The following OR8D1 variants were observed in gnomAD, a reference collection of about 807,000 sequenced individuals.
OR8D1 encodes the protein olfactory receptor family 8 subfamily D member 1, also known as olfactory receptor 8D1.
For synonymous variants in OR8D1, 143 were observed against 147.0 expected, an observed-to-expected ratio of 0.97 and a Z score of 0.20; for missense variants, 384 against 366.8, an observed-to-expected ratio of 1.05 and a Z score of -0.38.
chr11:124,311,203 C>T (rs778093530), intron 2 of OR8D1, among the ~76,000 whole-genome samples: 30 of 152,078 alleles, frequency 2.0e-4, no homozygotes, highest in African/African-American at 6.5e-4. Context: ...GAGAGGATGA[C>T]GCCTCAGCCT....
At position 124,310,788 on chromosome 11, in the gene OR8D1, A is replaced by C. The variant is rs755451557; in HGVS notation, c.-16-6T>G. 6.3e-7 allele frequency: 1 copy of C among 1,577,200 alleles called. No homozygotes were observed. The highest frequency in any genetic ancestry group is 8.6e-7 in the Non-Finnish European group (1 of 1,156,192). On this transcript the variant is annotated splice_polypyrimidine_tract_variant and splice_region_variant and intron_variant, in intron 2 of 2. Coordinates refer to ENST00000641015, the MANE Select transcript of OR8D1 (RefSeq NM_001002917.2). The stretch of plus-strand genomic sequence containing the variant: ...TCATTCTTCTTTAGGCATTTCTGTG[A>C]AAATAGAAAGTATGAATTACCTTAA...
rs1320475854 is a variant in OR8D1 at position 124,307,229 on chromosome 11, GA to G, written c.*2610del. 1 of 74,002 alleles carries G rather than the reference GA, an allele frequency of 1.4e-5. No individual in the cohort carries two copies. Among genetic ancestry groups the G allele is most frequent in the Non-Finnish European group, 3.9e-5 (1 of 25,532 alleles). 4.6% of individuals were successfully genotyped at this position (74,002 alleles called of 1,614,324 possible). A position where few individuals can be genotyped will look rare whatever the true frequency, so the allele number is the denominator to read the frequency against. On this transcript the variant is annotated 3_prime_UTR_variant, in exon 3 of 3. Coordinates refer to ENST00000641015, the MANE Select transcript of OR8D1 (RefSeq NM_001002917.2). ...TTACAAGTTTGGGACTTTCCATGAG[GA>G]GAGAGGATTTTGACCTCAGGAGCAT... is the stretch of plus-strand genomic sequence containing the variant.
At chr11:124,312,204 C>T (rs981817864) in intron 1 of OR8D1, among the ~76,000 whole-genome samples, 12 of 152,140 alleles carry the variant, frequency 7.9e-5, no homozygotes, top group African/African-American at 2.7e-4. Context: ...GATGAAAATA[C>T]ACTACCTTTG....
rs1555057785 is a variant in OR8D1, at chr11:124,310,089, A to C, written c.678T>G (p.Leu226=). Residue 226 remains leucine, a synonymous_variant, in exon 3 of 3, where the codon CTT becomes CTG. Coordinates refer to ENST00000641015, the MANE Select transcript of OR8D1 (RefSeq NM_001002917.2). ...VSYAFILYSI[L]HIRSSEGRSK... ...ACCGGCCCTCTGAGGAGCGGATGTG[A>C]AGGATGCTGTAGAGGATGAAGGCAT... 1 of 1,613,646 alleles carries C rather than the reference A, an allele frequency of 6.2e-7. No individual in the cohort carries two copies. Among genetic ancestry groups the C allele is most frequent in the Non-Finnish European group, 8.5e-7 (1 of 1,179,808 alleles).
Position 124,310,228 on chromosome 11 carries a change from T to C in OR8D1, c.539A>G (p.Asp180Gly). The change falls in exon 3 of 3, where the codon GAT (aspartate) becomes GGT (glycine). Residue 180 changes from aspartate to glycine, a missense_variant. Transcript: ENST00000641015. ...KSHIINHYFC[D>G]VLPLLNLSCS... ...GGAGAGATTGAGGAGGGGAAGAACA[T>C]CACAGAAGTAATGGTTGATAATGTG... is the stretch of plus-strand genomic sequence containing the variant. 6.2e-7 allele frequency: 1 copy of C among 1,613,748 alleles called. No individual in the cohort carries two copies. Among genetic ancestry groups the C allele is most frequent in the South Asian group, 1.1e-5 (1 of 91,064 alleles).
At position 124,310,497 on chromosome 11, in the gene OR8D1, A is replaced by T; in HGVS notation, c.270T>A (p.Asn90Lys). 6.2e-7 allele frequency: 1 copy of T among 1,613,806 alleles called. No homozygotes were observed. The highest frequency in any genetic ancestry group is 8.5e-7 in the Non-Finnish European group (1 of 1,179,912). Reference protein sequence around the residue: ...KMLVNFLGKKNTILYSECMVQ... With the variant: ...KMLVNFLGKKKTILYSECMVQ... ...CCATGCACTCAGAGTAAAGGATTGTATTCTTCTTTCCTAGGAAGTTCACCA... is the reference window on the plus strand; with the variant it reads ...CCATGCACTCAGAGTAAAGGATTGTTTTCTTCTTTCCTAGGAAGTTCACCA... The change falls in exon 3 of 3, where the codon AAT becomes AAA. Residue 90 changes from asparagine to lysine, a missense_variant. Asn to Lys is a moderately conservative substitution (Grantham distance 94, BLOSUM62 0). Transcript: ENST00000641015.
At position 124,302,836 on chromosome 11, in the gene OR8D1, ACTTAT is replaced by A. The variant is rs1035477433; in HGVS notation, c.*6999_*7003del. 6.6e-6 allele frequency: 1 copy of A among 152,092 alleles called. No individual in the cohort carries two copies. The highest frequency in any genetic ancestry group is 1.5e-5 in the Non-Finnish European group (1 of 67,994). The allele number at this position is 152,092 out of a possible 1,614,324, so 9.4% of individuals were successfully genotyped here. A position where few individuals can be genotyped will look rare whatever the true frequency, so the allele number is the denominator to read the frequency against. On this transcript the variant is annotated 3_prime_UTR_variant, in exon 3 of 3. Coordinates refer to ENST00000641015, the MANE Select transcript of OR8D1 (RefSeq NM_001002917.2). ...ACAGTTTTATTTATTCACATATTTA[ACTTAT>A]CTTACTCTCATAACGGTTTTATAAG...
rs1251575866 is a variant in OR8D1, at chr11:124,306,826, C to T, written c.*3014G>A. 1.3e-5 allele frequency: 2 copies of T among 151,992 alleles called. No individual in the cohort carries two copies. Among genetic ancestry groups the T allele is most frequent in the South Asian group, 2.1e-4 (1 of 4,824 alleles). The allele number at this position is 151,992 out of a possible 1,614,324, so 9.4% of individuals were successfully genotyped here. On this transcript the variant is annotated 3_prime_UTR_variant, in exon 3 of 3. Transcript: ENST00000641015. ...TGATGTTCCCATCCCTGAGGAGGAA[C>T]ACCTATTACTCTAATACTCCCGCCT...
Position 124,308,224 on chromosome 11 carries a change from A to G in OR8D1, c.*1616T>C, listed in dbSNP as rs1465579401. 6.6e-6 allele frequency: 1 copy of G among 152,118 alleles called. No individual in the cohort carries two copies. Among genetic ancestry groups the G allele is most frequent in the Non-Finnish European group, 1.5e-5 (1 of 68,012 alleles). The allele number at this position is 152,118 out of a possible 1,614,324, so 9.4% of individuals were successfully genotyped here. On this transcript the variant is annotated 3_prime_UTR_variant, in exon 3 of 3. Transcript: ENST00000641015. Reference sequence around the variant, plus strand: ...ATTAAACTGGAATAAGAGAGAGAAGAGGACAGGTTAGAAAACTATGTGGCA... The same window carrying G: ...ATTAAACTGGAATAAGAGAGAGAAGGGGACAGGTTAGAAAACTATGTGGCA...
At position 124,309,836 on chromosome 11, in the gene OR8D1, G is replaced by T; in HGVS notation, c.*4C>A. The T allele has an allele frequency of 7.1e-7, 1 of 1,418,206 alleles. No individual in the cohort carries two copies. The highest frequency in any genetic ancestry group is 2.5e-5 in the Admixed American group (1 of 40,134). 87.9% of individuals were successfully genotyped at this position (1,418,206 alleles called of 1,614,324 possible). ...TCCCATCTATAAATCCCCCAAATCA[G>T]GACTCATTTTCCTACTAAGACCTTC... On this transcript the variant is annotated 3_prime_UTR_variant, in exon 3 of 3. Coordinates refer to ENST00000641015, the MANE Select transcript of OR8D1 (RefSeq NM_001002917.2).
rs192455419 is a variant in OR8D1 at position 124,313,842 on chromosome 11, C to T, written c.-243G>A. 5.9e-5 allele frequency: 9 copies of T among 152,082 alleles called. No homozygotes were observed. The highest frequency in any genetic ancestry group is 2.2e-4 in the African/African-American group (9 of 41,400). 9.4% of individuals were successfully genotyped at this position (152,082 alleles called of 1,614,324 possible). On this transcript the variant is annotated 5_prime_UTR_variant, in exon 1 of 3. Coordinates refer to ENST00000641015, the MANE Select transcript of OR8D1 (RefSeq NM_001002917.2). Reference sequence around the variant, plus strand: ...CTACCTTATACACACATTTATATGCCAAGGGCTGAATTATTTGGTTGGCTA... The same window carrying T: ...CTACCTTATACACACATTTATATGCTAAGGGCTGAATTATTTGGTTGGCTA...
In OR8D1 at chr11:124,309,918, G is replaced by A. The variant is rs141412375; in HGVS notation, c.849C>T (p.Pro283=). Residue 283 remains proline (P), a synonymous_variant, in exon 3 of 3, where the codon CCC becomes CCT. Transcript: ENST00000641015. ...VSSVFYTTVI[P]MLNPLIYSLR... Reference sequence around the variant, plus strand: ...GACTGTATATTAAAGGGTTCAGCATGGGGATCACCGTGGTGTAGAACACAG... The same window carrying A: ...GACTGTATATTAAAGGGTTCAGCATAGGGATCACCGTGGTGTAGAACACAG... 48 of 1,527,148 alleles carry A rather than the reference G, an allele frequency of 3.1e-5. No individual in the cohort carries two copies. Among genetic ancestry groups the A allele is most frequent in the Non-Finnish European group, 4.1e-5 (47 of 1,140,608 alleles). The allele number at this position is 1,527,148 out of a possible 1,614,324, so 94.6% of individuals were successfully genotyped here.
Position 124,312,392 on chromosome 11 carries a change from G to T in OR8D1, c.-121-716C>A, listed in dbSNP as rs143842545. On this transcript the variant is annotated intron_variant, in intron 1 of 2. Coordinates refer to ENST00000641015, the MANE Select transcript of OR8D1 (RefSeq NM_001002917.2). ...CTTTTTTGAAGGAGTTGGGGGCACT[G>T]AAGTGTTTTCATCTCCAAGGGACAT... is the stretch of plus-strand genomic sequence containing the variant. Among the ~76,000 whole-genome samples the T allele has an allele frequency of 4.7e-4, 71 of 152,230 alleles. No individual in the cohort carries two copies. The East Asian group carries it at 0.013, about 28-fold the overall frequency.
Position 124,310,514 on chromosome 11 carries a change from A to G in OR8D1, c.253T>C (p.Phe85Leu), listed in dbSNP as rs749419767. ...SVITPKMLVN[F>L]LGKKNTILYS... ...AGGATTGTATTCTTCTTTCCTAGGA[A>G]GTTCACCAGCATTTTGGGAGTAATG... Residue 85 changes from phenylalanine to leucine, a missense_variant, in exon 3 of 3, where the codon TTC (phenylalanine) becomes CTC (leucine). Coordinates refer to ENST00000641015, the MANE Select transcript of OR8D1 (RefSeq NM_001002917.2). 4.3e-6 allele frequency: 7 copies of G among 1,613,710 alleles called. No homozygotes were observed. Among genetic ancestry groups the G allele is most frequent in the Non-Finnish European group, 5.1e-6 (6 of 1,179,926 alleles).
chr11:124,310,095 G>A lies in OR8D1; in HGVS notation c.672C>T (p.Ser224=), dbSNP rs1862405865. ...CCTCTGAGGAGCGGATGTGAAGGAT[G>A]CTGTAGAGGATGAAGGCATAGGAGA... ...VAVSYAFILY[S]ILHIRSSEGR... is the part of the protein sequence containing the mutation. The change falls in exon 3 of 3, where the codon AGC becomes AGT. Residue 224 remains serine (S), a synonymous_variant. Transcript: ENST00000641015. 9 of 1,613,724 alleles carry A rather than the reference G, an allele frequency of 5.6e-6. No homozygotes were observed. Among genetic ancestry groups the A allele is most frequent in the Non-Finnish European group, 7.6e-6 (9 of 1,179,834 alleles).
Position 124,303,207 on chromosome 11 carries a change from G to A in OR8D1, c.*6633C>T, listed in dbSNP as rs947008836. The A allele has an allele frequency of 1.2e-4, 18 of 152,182 alleles. No individual in the cohort carries two copies. In the East Asian group the frequency reaches 3.3e-3, roughly 28 times the overall value. 9.4% of individuals were successfully genotyped at this position (152,182 alleles called of 1,614,324 possible). ...CACATGGCGGGAGGTGTGAGACAGA[G>A]CAGGAAAAACTACCATTTATAAAAC... On this transcript the variant is annotated 3_prime_UTR_variant, in exon 3 of 3. Transcript: ENST00000641015.
Position 124,307,605 on chromosome 11 carries a change from G to A in OR8D1, c.*2235C>T, listed in dbSNP as rs762136822. ...TAGTTTGAGCAACCTTAGCAACTGCGAAAGCCACTTAAGAATCAGAAAATA... is the reference window on the plus strand; with the variant it reads ...TAGTTTGAGCAACCTTAGCAACTGCAAAAGCCACTTAAGAATCAGAAAATA... On this transcript the variant is annotated 3_prime_UTR_variant, in exon 3 of 3. Transcript: ENST00000641015. 11 of 152,102 alleles carry A rather than the reference G, an allele frequency of 7.2e-5. No individual in the cohort carries two copies. Among genetic ancestry groups the A allele is most frequent in the Non-Finnish European group, 1.2e-4 (8 of 68,016 alleles). The allele number at this position is 152,102 out of a possible 1,614,324, so 9.4% of individuals were successfully genotyped here.
rs2137789503 is a variant in OR8D1, at chr11:124,307,528, T to C, written c.*2312A>G. On this transcript the variant is annotated 3_prime_UTR_variant, in exon 3 of 3. Transcript: ENST00000641015. ...TGTCTTCTGAAAAATGTGAGCAAAG[T>C]GAGGCTCCACAAAGCCCTGGGTCCT... 1 of 152,200 alleles carries C rather than the reference T, an allele frequency of 6.6e-6. No homozygotes were observed. Among genetic ancestry groups the C allele is most frequent in the East Asian group, 1.9e-4 (1 of 5,156 alleles). 9.4% of individuals were successfully genotyped at this position (152,200 alleles called of 1,614,324 possible).
In OR8D1 at chr11:124,310,070, C is replaced by T; in HGVS notation, c.697G>A (p.Gly233Ser). ...CATGTTCCAAAAGCTTTGGACCGGCCCTCTGAGGAGCGGATGTGAAGGATG... is the reference window on the plus strand; with the variant it reads ...CATGTTCCAAAAGCTTTGGACCGGCTCTCTGAGGAGCGGATGTGAAGGATG... ...YSILHIRSSE[G>S]RSKAFGTCSS... The change falls in exon 3 of 3, where the codon GGC becomes AGC. Residue 233 changes from glycine (G) to serine (S), a missense_variant. Coordinates refer to ENST00000641015, the MANE Select transcript of OR8D1 (RefSeq NM_001002917.2). 1 of 1,613,424 alleles carries T rather than the reference C, an allele frequency of 6.2e-7. No individual in the cohort carries two copies. Among genetic ancestry groups the T allele is most frequent in the Non-Finnish European group, 8.5e-7 (1 of 1,179,736 alleles).
Sources: allele counts gnomAD v4.1 joint callset (sites outside exome capture counted in the v4.1 genomes callset), GRCh38; gene constraint gnomAD v4.1.1; transcripts MANE v1.5; gene names NCBI Gene and HGNC (gene_info 2026-07-23, HGNC 2026-07-21).